Variants in LRP1B observed in about 807,000 individuals in gnomAD.
LRP1B encodes low-density lipoprotein receptor-related protein 1B.
LRP1B carries 217 observed loss-of-function variants against 556.6 expected under a neutral mutation model. The ratio of observed to expected loss-of-function variants is 0.39; its 90% CI spans 0.35 to 0.44. The LOEUF is 0.44. Among genes scored for constraint, LRP1B ranks in the 20% least tolerant of loss-of-function variants. The probability of loss-of-function intolerance (pLI) is 1.00; values close to 1 mark genes in which losing one functional copy is unlikely to be tolerated. For missense variants in LRP1B, 5,053 were observed against 5,620.8 expected (o/e 0.90, Z 3.23); for synonymous variants, 2,047 against 1,865.8 (o/e 1.10, Z -2.50).
chr2:140,439,017 A>G (rs1284918572), intron 66 of LRP1B, among the ~76,000 whole-genome samples: 1 of 152,214 alleles, frequency 6.6e-6, no homozygotes, highest in African/African-American at 2.4e-5. Flanking sequence ...GAGAGAGAAC[A>G]TAATAGAAAG....
chr2:140,678,396 T>C (rs1434762369), intron 41 of LRP1B, among the ~76,000 whole-genome samples: 5 of 152,200 alleles, frequency 3.3e-5, no homozygotes, highest in African/African-American at 1.2e-4. Flanking sequence ...TTCATGTTCT[T>C]AAATTCCATG....
intron 41 of LRP1B, among the ~76,000 whole-genome samples, chr2:140,602,474 T>C (rs958488262): frequency 2.6e-5 from 4 of 152,222 alleles, no homozygotes; most frequent in African/African-American, 9.6e-5. Context: ...CTCAGAATTA[T>C]TATTCTGAGC....
chr2:140,345,321 C>A (rs1018094959), intron 77 of LRP1B, among the ~76,000 whole-genome samples: 11 of 151,656 alleles, frequency 7.3e-5, no homozygotes, highest in African/African-American at 1.9e-4. Context: ...TTGAACACTT[C>A]TTTGTCCTCA....
chr2:141,550,447 A>T (rs1412564189), intron 2 of LRP1B, among the ~76,000 whole-genome samples: 1 of 152,170 alleles, frequency 6.6e-6, no homozygotes, highest in Non-Finnish European at 1.5e-5. Flanking sequence ...CTTCAGGAAA[A>T]AAAGTGTCCA....
intron 60 of LRP1B, among the ~76,000 whole-genome samples, chr2:140,472,510 T>G (rs931975605): frequency 3.3e-5 from 5 of 152,072 alleles, no homozygotes; most frequent in Admixed American, 3.3e-4. Context: ...AATTTCTTGT[T>G]CAGGTTTTCA....
At chr2:141,194,496 G>T (rs1193868365) in intron 6 of LRP1B, among the ~76,000 whole-genome samples, 1 of 152,002 alleles carries the variant, frequency 6.6e-6, no homozygotes, top group African/African-American at 2.4e-5. Context: ...ACGCTTTGTT[G>T]CTTCAAAGAA....
In LRP1B at chr2:140,314,925, A is replaced by T. The variant is rs1378477303; in HGVS notation, c.12805+10T>A. On this transcript the variant is annotated intron_variant, in intron 83 of 90. Transcript: ENST00000389484. The stretch of plus-strand genomic sequence containing the variant: ...AAAGATGTGAAATACAATGACAATG[A>T]AATATTTACCTAGAACTGATGGTAC... 3.9e-6 allele frequency: 6 copies of T among 1,556,984 alleles called. No individual in the cohort carries two copies. The highest frequency in any genetic ancestry group is 4.3e-6 in the Non-Finnish European group (5 of 1,151,608).
chr2:141,467,071 T>C (rs1362092325), intron 3 of LRP1B, among the ~76,000 whole-genome samples: 1 of 120,756 alleles, frequency 8.3e-6, no homozygotes, highest in Non-Finnish European at 1.8e-5. Flanking sequence ...CCCCAGGATA[T>C]ATATATACAC....
intron 1 of LRP1B, among the ~76,000 whole-genome samples, chr2:141,923,061 T>C (rs538711166): frequency 6.6e-6 from 1 of 152,146 alleles, no homozygotes; most frequent in East Asian, 1.9e-4. Context: ...ATTGTACCAC[T>C]GCACTCCAGC....
chr2:141,857,732 ATAAAGT>A (rs770061167), intron 1 of LRP1B, among the ~76,000 whole-genome samples: 2 of 152,168 alleles, frequency 1.3e-5, no homozygotes, highest in Non-Finnish European at 2.9e-5. Context: ...CTTTTACCAA[ATAAAGT>A]TCAAGTTCAA....
intron 84 of LRP1B, among the ~76,000 whole-genome samples, chr2:140,279,767 G>T (rs967635399): frequency 3.3e-5 from 5 of 151,794 alleles, no homozygotes; most frequent in African/African-American, 1.2e-4. Flanking sequence ...TATAAGCTCT[G>T]AAGAAAAATA....
intron 41 of LRP1B, among the ~76,000 whole-genome samples, chr2:140,604,942 C>T (rs1682813761): frequency 1.3e-5 from 2 of 152,130 alleles, no homozygotes; most frequent in African/African-American, 4.8e-5. Context: ...CACTCTCCAC[C>T]ATGATCGTGA....
chr2:140,520,062 T>A (rs976252362), intron 49 of LRP1B, among the ~76,000 whole-genome samples: 3 of 152,108 alleles, frequency 2.0e-5, no homozygotes, highest in Non-Finnish European at 1.5e-5. Flanking sequence ...TCCTCAAGGA[T>A]CTAGAACTAG....
chr2:140,736,232 G>A (rs79661986), intron 35 of LRP1B, among the ~76,000 whole-genome samples: 6,706 of 152,176 alleles, frequency 0.044, 225 homozygotes, highest in Middle Eastern at 0.092. Context: ...AGCTTCAGGG[G>A]ACATGCCATT....
intron 2 of LRP1B, among the ~76,000 whole-genome samples, chr2:141,753,201 T>C (rs1277232612): frequency 7.4e-6 from 1 of 134,804 alleles, no homozygotes; most frequent in African/African-American, 2.8e-5. Flanking sequence ...TGAGCCCAGA[T>C]TGCACCATTG....
chr2:141,697,569 A>G (rs192912109), intron 2 of LRP1B, among the ~76,000 whole-genome samples: 46 of 152,110 alleles, frequency 3.0e-4, no homozygotes, highest in East Asian at 7.7e-4. Context: ...ATAACAATCA[A>G]TTAGGATGTT....
chr2:140,690,558 C>T (rs543090753), intron 41 of LRP1B, among the ~76,000 whole-genome samples: 1 of 152,258 alleles, frequency 6.6e-6, no homozygotes, highest in South Asian at 2.1e-4. Context: ...TACCACAGGA[C>T]ATCTTTTGAG....
At chr2:142,016,951 T>A (rs1274528161) in intron 1 of LRP1B, among the ~76,000 whole-genome samples, 1 of 151,020 alleles carries the variant, frequency 6.6e-6, no homozygotes, top group Non-Finnish European at 1.5e-5. Context: ...TATGTGTATA[T>A]ACATAATTGT....
At chr2:141,713,654 C>G (rs1182717832) in intron 2 of LRP1B, among the ~76,000 whole-genome samples, 1 of 151,934 alleles carries the variant, frequency 6.6e-6, no homozygotes, top group Non-Finnish European at 1.5e-5. Context: ...TAGAATAAAG[C>G]CACCCAAATA....
Sources: gnomAD v4.1 joint callset for allele counts (sites outside exome capture counted in the v4.1 genomes callset) on GRCh38, gnomAD v4.1.1 for gene constraint, MANE v1.5 for transcripts, NCBI Gene and HGNC (gene_info 2026-07-23, HGNC 2026-07-21) for gene names.